The following DNAH9 variants were observed in gnomAD, a reference collection of about 807,000 sequenced individuals.
The protein encoded by DNAH9 is dynein axonemal heavy chain 9, also known as DNAH9 variant protein.
DNAH9 carries 345 observed loss-of-function variants against 471.6 expected under a neutral mutation model. The ratio of observed to expected loss-of-function variants is 0.73; its 90% CI spans 0.67 to 0.80. The LOEUF is 0.80. Ranked by LOEUF, DNAH9 falls within the 30% of genes least tolerant of loss-of-function variation. The probability of loss-of-function intolerance (pLI) is 0.00; values close to 1 mark genes in which losing one functional copy is unlikely to be tolerated. For synonymous variants in DNAH9, 2,093 were observed against 2,123.6 expected (o/e 0.99, Z 0.40); for missense variants, 5,407 against 5,609.2 (o/e 0.96, Z 1.15).
intron 6 of DNAH9, among the ~76,000 whole-genome samples, chr17:11,621,520 G>A (rs1033613057): frequency 6.6e-6 from 1 of 152,004 alleles, no homozygotes; most frequent in African/African-American, 2.4e-5. Context: ...CTGGGAGGAA[G>A]CCATGATGAA....
intron 38 of DNAH9, among the ~76,000 whole-genome samples, chr17:11,775,883 C>T (rs965588338): frequency 3.9e-5 from 6 of 152,226 alleles, no homozygotes; most frequent in East Asian, 3.9e-4. Context: ...TGAGCCACCG[C>T]GCCGGGCCAA....
At chr17:11,810,496 C>A (rs765379078) in intron 45 of DNAH9, 127 bp downstream of exon 45, 2 of 1,222,946 alleles carry the variant, frequency 1.6e-6, no homozygotes, top group Non-Finnish European at 2.2e-6. Flanking sequence ...ACTGACACAG[C>A]CAAGGACTGG....
intron 14 of DNAH9, among the ~76,000 whole-genome samples, chr17:11,663,574 T>A (rs894512564): frequency 4.6e-5 from 7 of 152,240 alleles, no homozygotes; most frequent in Admixed American, 4.6e-4. Flanking sequence ...AAGTACAATC[T>A]CACTCTCTGC....
chr17:11,766,305 TA>T (rs35486873), intron 36 of DNAH9, among the ~76,000 whole-genome samples: 415 of 143,364 alleles, frequency 2.9e-3, no homozygotes, highest in Middle Eastern at 0.011. Flanking sequence ...AGTTCCCATT[TA>T]AAAAAAAAAA....
chr17:11,962,206 G>C lies in DNAH9; in HGVS notation c.13183G>C (p.Gly4395Arg). Reference protein sequence around the residue: ...REEFRSPPREGAYIHGLFMEG... With the variant: ...REEFRSPPRERAYIHGLFMEG... Reference sequence around the variant, plus strand: ...AGAGTTTAGGAGTCCTCCTCGGGAAGGGGCCTACATCCATGGCCTCTTCAT... The same window carrying C: ...AGAGTTTAGGAGTCCTCCTCGGGAACGGGCCTACATCCATGGCCTCTTCAT... Residue 4395 changes from glycine (G) to arginine (R), a missense_variant, in exon 68 of 69, where the codon GGG becomes CGG. By Grantham distance (125) the Gly-to-Arg change is moderately radical. This residue lies in a region of DNAH9 where 4,636 missense variants were observed against 4,900.3 expected (regional missense o/e 0.95). Transcript: ENST00000262442. This position sits in a 1 kb window ranked among gnomAD's most constrained non-coding sequence, Gnocchi z 4.1. 6 of 1,613,874 alleles carry C rather than the reference G, an allele frequency of 3.7e-6. No homozygotes were observed. Among genetic ancestry groups the C allele is most frequent in the Non-Finnish European group, 5.1e-6 (6 of 1,179,960 alleles).
chr17:11,939,960 A>G (rs1974848951), intron 66 of DNAH9, among the ~76,000 whole-genome samples: 2 of 152,112 alleles, frequency 1.3e-5, no homozygotes, highest in Non-Finnish European at 2.9e-5. Flanking sequence ...TGATAGAGGA[A>G]TAGAGTTATG....
chr17:11,796,283 T>A (rs558382824), intron 42 of DNAH9, among the ~76,000 whole-genome samples: 1 of 152,360 alleles, frequency 6.6e-6, no homozygotes, highest in Admixed American at 6.5e-5. Flanking sequence ...TCCATCCTCA[T>A]GTGTTTTCCT....
At chr17:11,776,152 A>G (rs989466214) in intron 38 of DNAH9, among the ~76,000 whole-genome samples, 10 of 152,132 alleles carry the variant, frequency 6.6e-5, no homozygotes, top group Non-Finnish European at 1.3e-4. Context: ...CTATTTCAGT[A>G]TGGCTTTTGA....
intron 47 of DNAH9, 78 bp downstream of exon 47, chr17:11,822,677 G>C: frequency 6.3e-7 from 1 of 1,595,962 alleles, no homozygotes; most frequent in Admixed American, 1.7e-5. Flanking sequence ...GGATGTTAGG[G>C]TTAAAGATCA....
chr17:11,677,305 T>G (rs2074064079), intron 17 of DNAH9, among the ~76,000 whole-genome samples: 1 of 152,160 alleles, frequency 6.6e-6, no homozygotes, highest in East Asian at 1.9e-4. Context: ...AATTTTTGCT[T>G]CATATATTTT....
intron 61 of DNAH9, among the ~76,000 whole-genome samples, chr17:11,920,738 C>A (rs879256843): frequency 2.0e-5 from 3 of 152,008 alleles, no homozygotes; most frequent in Non-Finnish European, 4.4e-5. Context: ...AAACAGGAAC[C>A]AAGTTCCAAA....
In DNAH9 at chr17:11,854,093, G is replaced by T; in HGVS notation, c.9598G>T (p.Gly3200Cys). 1.2e-6 allele frequency: 2 copies of T among 1,614,120 alleles called. No homozygotes were observed. Among genetic ancestry groups the T allele is most frequent in the Non-Finnish European group, 1.7e-6 (2 of 1,180,020 alleles). ...GGTGATGGTACTGATGGCTCCCAGGGGTAGGGTGCCCAAGGACCGGAGCTG... is the reference window on the plus strand; with the variant it reads ...GGTGATGGTACTGATGGCTCCCAGGTGTAGGGTGCCCAAGGACCGGAGCTG... The part of the protein sequence containing the change: ...AAVMVLMAPR[G>C]RVPKDRSWKA... Residue 3200 changes from glycine (G) to cysteine (C), a missense_variant, in exon 50 of 69, where the codon GGT (glycine) becomes TGT (cysteine). This residue lies in a region of DNAH9 where 4,636 missense variants were observed against 4,900.3 expected (regional missense o/e 0.95). Coordinates refer to ENST00000262442, the MANE Select transcript of DNAH9 (RefSeq NM_001372.4).
intron 36 of DNAH9, 144 bp downstream of exon 36, chr17:11,763,758 T>C (rs1967818936): frequency 1.3e-6 from 1 of 784,656 alleles, no homozygotes; most frequent in Admixed American, 2.5e-5. Context: ...TACCTATTAC[T>C]CTGCTAAAGA....
chr17:11,679,698 A>G (rs1328287502), intron 17 of DNAH9, 59 bp from the exon 18 acceptor site: 1 of 1,234,168 alleles, frequency 8.1e-7, no homozygotes, highest in African/African-American at 1.5e-5. Flanking sequence ...AAATCAATAC[A>G]TCTGCCTTTC....
At chr17:11,667,953 C>T (rs1344730516) in intron 15 of DNAH9, among the ~76,000 whole-genome samples, 1 of 152,218 alleles carries the variant, frequency 6.6e-6, no homozygotes, top group East Asian at 1.9e-4. Flanking sequence ...AGTGAACAGG[C>T]TCTGCCACCC....
At chr17:11,741,504 A>G (rs1315659939) in intron 29 of DNAH9, among the ~76,000 whole-genome samples, 1 of 149,006 alleles carries the variant, frequency 6.7e-6, no homozygotes, top group Non-Finnish European at 1.5e-5. Flanking sequence ...TTTGTATTCA[A>G]ACAAGTACAG....
intron 33 of DNAH9, among the ~76,000 whole-genome samples, chr17:11,755,345 C>A (rs991478196): frequency 6.6e-6 from 1 of 151,980 alleles, no homozygotes; most frequent in Non-Finnish European, 1.5e-5. Context: ...ATAGTTTTTT[C>A]TAGTTCTGTG....
chr17:11,867,903 C>A (rs1344055870), intron 50 of DNAH9, among the ~76,000 whole-genome samples: 1 of 152,128 alleles, frequency 6.6e-6, no homozygotes, highest in Non-Finnish European at 1.5e-5. Flanking sequence ...AATAGGCTTC[C>A]AATTAATCTT....
At chr17:11,672,861 C>T (rs1240785986) in intron 17 of DNAH9, among the ~76,000 whole-genome samples, 3 of 152,196 alleles carry the variant, frequency 2.0e-5, no homozygotes, top group African/African-American at 7.2e-5. Flanking sequence ...CACTCCCTGG[C>T]CTCCACCTGT....
Sources: gnomAD v4.1 joint callset for allele counts (sites outside exome capture counted in the v4.1 genomes callset) on GRCh38, gnomAD v4.1.1 for gene constraint, gnomAD v4.1.1 regional missense constraint, Gnocchi (gnomAD v3.1) non-coding constraint, MANE v1.5 for transcripts, NCBI Gene and HGNC (gene_info 2026-07-23, HGNC 2026-07-21) for gene names.